The following NLRP9 variants were observed in gnomAD, a reference collection of about 807,000 sequenced individuals.
The protein encoded by NLRP9 is NLR family pyrin domain containing 9, also known as NACHT, LRR and PYD domains-containing protein 9.
A neutral mutation model predicts 83.1 loss-of-function variants in NLRP9; 88 were observed. The ratio of observed to expected loss-of-function variants is 1.06; its 90% confidence interval spans 0.89 to 1.26. The LOEUF is 1.26. Ranked by LOEUF, NLRP9 falls within the 50% of genes most tolerant of loss-of-function variation. The pLI, the probability that NLRP9 is intolerant of heterozygous loss-of-function variation, is 0.00. For missense variants in NLRP9, 1,308 were observed against 1,179.3 expected (o/e 1.11, Z -1.60); for synonymous variants, 521 against 447.6 (o/e 1.16, Z -2.07).
At position 55,734,431 on chromosome 19, in the gene NLRP9, A is replaced by G. The variant is rs149180304; in HGVS notation, c.281-881T>C. On this transcript the variant is annotated intron_variant, in intron 1 of 8. Transcript: ENST00000332836. ...ATTGTTTCTAAAATTGGTCTTGTCT[A>G]TATAATAACCTTCCCCTACTTTCTG... Among the ~76,000 whole-genome samples, 1,181 of 148,248 alleles carry G rather than the reference A, an allele frequency of 8.0e-3. 17 individuals are homozygous for G. The highest frequency in any genetic ancestry group is 0.027 in the African/African-American group (1,107 of 40,588).
chr19:55,729,047 T>C (rs1406664126), intron 3 of NLRP9, among the ~76,000 whole-genome samples: 5 of 117,662 alleles, frequency 4.2e-5, no homozygotes, highest in African/African-American at 1.4e-4. Flanking sequence ...TATTTTTCTT[T>C]TTCTTTTTTT....
At chr19:55,733,580 G>A in intron 1 of NLRP9, 30 bp from the exon 2 acceptor site, 1 of 1,227,270 alleles carries the variant, frequency 8.1e-7, no homozygotes, top group African/African-American at 1.5e-5. Flanking sequence ...ATATAAGATA[G>A]GTAAAAATGC....
chr19:55,709,179 G>C, intron 8 of NLRP9, 135 bp from the exon 9 acceptor site: 1 of 585,262 alleles, frequency 1.7e-6, no homozygotes, highest in Non-Finnish European at 2.7e-6. Flanking sequence ...TACTGAATTT[G>C]AAAAACAAGC....
chr19:55,711,896 C>T lies in NLRP9; in HGVS notation c.2747G>A (p.Arg916Lys). The change falls in exon 8 of 9, where the codon AGG becomes AAG. Residue 916 changes from arginine (R) to lysine (K), a missense_variant. By Grantham distance (26) the Arg-to-Lys change is conservative. Coordinates refer to ENST00000332836, the MANE Select transcript of NLRP9 (RefSeq NM_176820.4). Reference sequence around the variant, plus strand: ...GGCAATCCAGTCGAGGTTCAGGCTCCTCAGTGTTTTGCAGGCGATGAGTGC... The same window carrying T: ...GGCAATCCAGTCGAGGTTCAGGCTCTTCAGTGTTTTGCAGGCGATGAGTGC... ...AAALIACKTL[R>K]SLNLDWIALD... 1 of 1,613,348 alleles carries T rather than the reference C, an allele frequency of 6.2e-7. No individual in the cohort carries two copies. Among genetic ancestry groups the T allele is most frequent in the Non-Finnish European group, 8.5e-7 (1 of 1,179,968 alleles).
At chr19:55,729,050 C>CTTTTTTTTTTTTTT (rs374589373) in intron 3 of NLRP9, among the ~76,000 whole-genome samples, 32 of 70,202 alleles carry the variant, frequency 4.6e-4, no homozygotes, top group Non-Finnish European at 6.4e-4. Context: ...TTTTCTTTTT[C>CTTTTTTTTTTTTTT]TTTTTTTTTT....
At chr19:55,724,848 AG>A (rs1176452673) in intron 3 of NLRP9, among the ~76,000 whole-genome samples, 2 of 152,192 alleles carry the variant, frequency 1.3e-5, no homozygotes, top group Admixed American at 1.3e-4. Context: ...ACATGAGGTC[AG>A]GAGTTTGAGA....
intron 6 of NLRP9, among the ~76,000 whole-genome samples, chr19:55,713,195 T>C (rs528812375): frequency 6.6e-6 from 1 of 151,106 alleles, no homozygotes; most frequent in African/African-American, 2.4e-5. Flanking sequence ...GTCACCTTTT[T>C]GGTGAGCCCT....
chr19:55,730,824 G>C (rs1232047105), intron 2 of NLRP9, among the ~76,000 whole-genome samples: 5 of 151,932 alleles, frequency 3.3e-5, no homozygotes, highest in African/African-American at 9.7e-5. Context: ...CTTGATACCT[G>C]GGTGATGGGA....
chr19:55,726,272 C>T (rs971404625), intron 3 of NLRP9, among the ~76,000 whole-genome samples: 1 of 152,158 alleles, frequency 6.6e-6, no homozygotes, highest in African/African-American at 2.4e-5. Context: ...AATCAGGAAT[C>T]ATCGCCATTT....
rs1568599548 is a variant in NLRP9 at position 55,724,130 on chromosome 19, T to C, written c.2009A>G (p.Tyr670Cys). The C allele has an allele frequency of 1.9e-6, 3 of 1,607,506 alleles. No homozygotes were observed. The highest frequency in any genetic ancestry group is 1.7e-5 in the Admixed American group (1 of 58,686). ...AAATAATTCTGAATCATGTCCAAAG[T>C]ACACAGAAGTAAATCTGCAAAAGAT... Reference protein sequence around the residue: ...KLRKLIFTSVYFGHDSELFKA... With the variant: ...KLRKLIFTSVCFGHDSELFKA... The change falls in exon 4 of 9, where the codon TAC becomes TGC. Residue 670 changes from tyrosine (Y) to cysteine (C), a missense_variant. Transcript: ENST00000332836.
intron 3 of NLRP9, 66 bp from the exon 4 acceptor site, chr19:55,724,210 T>C: frequency 2.7e-6 from 3 of 1,113,888 alleles, no homozygotes; most frequent in East Asian, 5.2e-5. Flanking sequence ...AGACACCTCT[T>C]GTACGATTCT....
rs766155235 is a variant in NLRP9 at position 55,715,097 on chromosome 19, C to T, written c.2459G>A (p.Cys820Tyr). The T allele has an allele frequency of 1.9e-6, 3 of 1,612,988 alleles. No individual in the cohort carries two copies. In the Admixed American group the frequency reaches 5.0e-5, roughly 27 times the overall value. Reference sequence around the variant, plus strand: ...GCAGCCTGGGTGCTTCAGCGCTGCACACAGAGATGCCACTCCATTATCTTC... The same window carrying T: ...GCAGCCTGGGTGCTTCAGCGCTGCATACAGAGATGCCACTCCATTATCTTC... ...ALEDNGVASL[C>Y]AALKHPGCSI... is the part of the protein sequence containing the mutation. The change falls in exon 6 of 9, where the codon TGT (cysteine) becomes TAT (tyrosine). Residue 820 changes from cysteine (C) to tyrosine (Y), a missense_variant. Cys to Tyr is a radical substitution (Grantham distance 194). Coordinates refer to ENST00000332836, the MANE Select transcript of NLRP9 (RefSeq NM_176820.4).
chr19:55,725,623 G>C (rs1157750938), intron 3 of NLRP9, among the ~76,000 whole-genome samples: 1 of 152,154 alleles, frequency 6.6e-6, no homozygotes, highest in African/African-American at 2.4e-5. Flanking sequence ...CCTGCCCGGA[G>C]ATAAAGGAAG....
chr19:55,724,416 C>G (rs1023728717), intron 3 of NLRP9, among the ~76,000 whole-genome samples: 1 of 152,014 alleles, frequency 6.6e-6, no homozygotes, highest in Non-Finnish European at 1.5e-5. Context: ...CAGCCGAATC[C>G]CATGTTAAAC....
At chr19:55,713,453 G>A (rs919370590) in intron 6 of NLRP9, among the ~76,000 whole-genome samples, 3 of 151,708 alleles carry the variant, frequency 2.0e-5, no homozygotes, top group South Asian at 2.1e-4. Context: ...TGTGTCTGAT[G>A]TATGTACTTG....
intron 3 of NLRP9, among the ~76,000 whole-genome samples, chr19:55,728,671 C>T (rs143433853): frequency 6.6e-5 from 10 of 152,338 alleles, no homozygotes; most frequent in East Asian, 3.9e-4. Context: ...GCAGTCTTAA[C>T]GTCTGCTATG....
chr19:55,734,226 A>C (rs1988709804), intron 1 of NLRP9, among the ~76,000 whole-genome samples: 1 of 151,548 alleles, frequency 6.6e-6, no homozygotes, highest in South Asian at 2.1e-4. Context: ...CCCGGCTGTC[A>C]ACCAGTACGT....
intron 2 of NLRP9, 100 bp from the exon 3 acceptor site, chr19:55,730,092 C>G: frequency 6.5e-6 from 7 of 1,075,590 alleles, no homozygotes; most frequent in Non-Finnish European, 9.5e-6. Flanking sequence ...TCAAAGCTGA[C>G]AGACACCCAG....
intron 1 of NLRP9, among the ~76,000 whole-genome samples, chr19:55,736,604 C>T (rs1325422356): frequency 3.3e-5 from 5 of 152,036 alleles, no homozygotes; most frequent in Non-Finnish European, 5.9e-5. Flanking sequence ...GAAGCCCAGG[C>T]AGGAGGATCA....
Sources: gnomAD v4.1 joint callset for allele counts (sites outside exome capture counted in the v4.1 genomes callset) on GRCh38, gnomAD v4.1.1 for gene constraint, MANE v1.5 for transcripts, NCBI Gene and HGNC (gene_info 2026-07-23, HGNC 2026-07-21) for gene names.